The following TAFA5 variants were observed in gnomAD, a reference collection of about 807,000 sequenced individuals.
The protein encoded by TAFA5 is TAFA chemokine like family member 5.
In TAFA5, 6 loss-of-function variants were observed where a neutral mutation model predicts 15.3. The ratio of observed to expected loss-of-function variants is 0.39; its 90% confidence interval spans 0.21 to 0.77. The LOEUF (loss-of-function observed/expected upper bound fraction) is 0.77, where lower values mean the gene tolerates loss of function less well. TAFA5 is among the 30% of genes least tolerant of loss of function. TAFA5 has a pLI of 0.41. For synonymous variants in TAFA5, 103 were observed against 80.7 expected (o/e 1.28, Z -1.48); for missense variants, 161 against 193.1 (o/e 0.83, Z 0.98).
rs182842091 is a variant in TAFA5 at position 48,586,509 on chromosome 22, G to A, written c.113-60088G>A. Reference sequence around the variant, plus strand: ...TTCCACGGGGGTCCCCTGACAGATGGCCCCAGCAGTGACCTTGTGCAAAAC... The same window carrying A: ...TTCCACGGGGGTCCCCTGACAGATGACCCCAGCAGTGACCTTGTGCAAAAC... On this transcript the variant is annotated intron_variant, in intron 1 of 3. Transcript: ENST00000402357. Among the ~76,000 whole-genome samples the A allele has an allele frequency of 1.1e-3, 167 of 152,302 alleles. 1 individual carries two copies. The highest frequency in any genetic ancestry group is 1.9e-3 in the Non-Finnish European group (127 of 68,018).
intron 1 of TAFA5, among the ~76,000 whole-genome samples, chr22:48,645,854 G>A (rs958111293): frequency 1.3e-5 from 2 of 152,198 alleles, no homozygotes; most frequent in Non-Finnish European, 2.9e-5. Context: ...GGTGCCACCC[G>A]TGTAAACCTG....
intron 1 of TAFA5, among the ~76,000 whole-genome samples, chr22:48,503,341 C>T (rs932022436): frequency 6.6e-6 from 1 of 152,242 alleles, no homozygotes; most frequent in African/African-American, 2.4e-5. Flanking sequence ...CTCGTGGGCC[C>T]CTGAGGGCAG....
At chr22:48,693,592 C>A (rs1928609945) in intron 2 of TAFA5, among the ~76,000 whole-genome samples, 3 of 152,132 alleles carry the variant, frequency 2.0e-5, no homozygotes, top group African/African-American at 7.2e-5. Context: ...CGGCTCTGGG[C>A]CTTGGTCCTG....
chr22:48,659,742 T>C (rs1828033433), intron 2 of TAFA5, among the ~76,000 whole-genome samples: 1 of 56,378 alleles, frequency 1.8e-5, no homozygotes, highest in Admixed American at 2.0e-4. Context: ...CCTGGCCTTT[T>C]TGGTGGGGCT....
At chr22:48,585,285 C>T (rs549050416) in intron 1 of TAFA5, among the ~76,000 whole-genome samples, 26 of 151,574 alleles carry the variant, frequency 1.7e-4, no homozygotes, top group African/African-American at 5.3e-4. Context: ...CCACACACAA[C>T]ACACACACAT....
intron 1 of TAFA5, among the ~76,000 whole-genome samples, chr22:48,534,129 A>ACAGGCAGGTGAGGGAGGT (rs1209735022): frequency 2.0e-5 from 3 of 151,188 alleles, no homozygotes; most frequent in African/African-American, 7.3e-5. Flanking sequence ...GTGAGGGGTG[A>ACAGGCAGGTGAGGGAGGT]CAGGCAGGTG....
At chr22:48,661,321 CCTCT>C (rs1248693541) in intron 2 of TAFA5, among the ~76,000 whole-genome samples, 3 of 152,312 alleles carry the variant, frequency 2.0e-5, no homozygotes, top group South Asian at 4.1e-4. Flanking sequence ...TTGCCCCAGC[CCTCT>C]CTCCTTGTGC....
chr22:48,711,778 C>T (rs1929261133), intron 3 of TAFA5, among the ~76,000 whole-genome samples: 1 of 152,218 alleles, frequency 6.6e-6, no homozygotes, highest in Admixed American at 6.5e-5. Context: ...CCAGCCCAGG[C>T]CTGATGCAGG....
chr22:48,558,759 A>G (rs1393343051), intron 1 of TAFA5, among the ~76,000 whole-genome samples: 2 of 152,184 alleles, frequency 1.3e-5, no homozygotes, highest in Non-Finnish European at 2.9e-5. Flanking sequence ...GGGGCGTGAC[A>G]CGAGTGTGTG....
intron 1 of TAFA5, among the ~76,000 whole-genome samples, chr22:48,621,757 T>A (rs537642234): frequency 1.3e-4 from 20 of 152,136 alleles, no homozygotes; most frequent in African/African-American, 4.6e-4. Flanking sequence ...CTTGCAAACA[T>A]ACATGTGACT....
chr22:48,513,833 G>T (rs1381755837), intron 1 of TAFA5, among the ~76,000 whole-genome samples: 1 of 152,232 alleles, frequency 6.6e-6, no homozygotes, highest in Non-Finnish European at 1.5e-5. Context: ...CCCCAGGGCT[G>T]AAGTTGGCAG....
chr22:48,696,005 G>C (rs1162043049), intron 2 of TAFA5, among the ~76,000 whole-genome samples: 1 of 152,178 alleles, frequency 6.6e-6, no homozygotes, highest in African/African-American at 2.4e-5. Flanking sequence ...ACTTCGATGA[G>C]CTGGGTCAAC....
intron 2 of TAFA5, among the ~76,000 whole-genome samples, chr22:48,698,066 A>ATGGTGG (rs143349918): frequency 0.64 from 93,544 of 146,056 alleles, 29,682 homozygotes; most frequent in African/African-American, 0.76. Context: ...TGATGTCATA[A>ATGGTGG]TGATGGTGAT....
At chr22:48,687,513 C>G (rs13056754) in intron 2 of TAFA5, among the ~76,000 whole-genome samples, 5,974 of 152,164 alleles carry the variant, frequency 0.039, 335 homozygotes, top group East Asian at 0.24. Flanking sequence ...AACTATGAAG[C>G]CTTCTGTGAG....
chr22:48,746,536 A>G (rs973083787), intron 3 of TAFA5, among the ~76,000 whole-genome samples: 5 of 152,190 alleles, frequency 3.3e-5, no homozygotes, highest in African/African-American at 1.2e-4. Flanking sequence ...TGCTGGCTCT[A>G]TTAGATCTCT....
intron 3 of TAFA5, among the ~76,000 whole-genome samples, chr22:48,733,542 C>T (rs549023900): frequency 1.9e-4 from 29 of 152,360 alleles, no homozygotes; most frequent in African/African-American, 6.7e-4. Context: ...GAGAAAATAA[C>T]GATCCTTGTT....
intron 3 of TAFA5, among the ~76,000 whole-genome samples, chr22:48,722,002 G>A (rs1317065330): frequency 2.0e-5 from 3 of 149,192 alleles, no homozygotes; most frequent in East Asian, 1.9e-4. Context: ...ATAAACATAC[G>A]TGTGTGTGTG....
chr22:48,728,704 G>T (rs2147265553), intron 3 of TAFA5, among the ~76,000 whole-genome samples: 1 of 152,260 alleles, frequency 6.6e-6, no homozygotes, highest in Middle Eastern at 3.4e-3. Flanking sequence ...CAGAAAGAAT[G>T]AACACAACTT....
At chr22:48,538,781 CT>C (rs1368430216) in intron 1 of TAFA5, 1 of 152,344 alleles carries the variant, frequency 6.6e-6, no homozygotes, top group Non-Finnish European at 1.5e-5. Context: ...AAACATCCCA[CT>C]GGCCAAGTAA....
Sources: allele counts gnomAD v4.1 joint callset (sites outside exome capture counted in the v4.1 genomes callset), GRCh38; gene constraint gnomAD v4.1.1; transcripts MANE v1.5; gene names NCBI Gene and HGNC (gene_info 2026-07-23, HGNC 2026-07-21).